ITPRID1: variants seen among roughly 807,000 people sequenced by gnomAD.
ITPRID1 encodes protein ITPRID1.
In ITPRID1, 96 loss-of-function variants were observed where a neutral mutation model predicts 95.4. The observed-to-expected ratio is 1.01, with a 90% confidence interval of 0.85 to 1.19. The LOEUF (loss-of-function observed/expected upper bound fraction) is 1.19. Ranked by LOEUF, ITPRID1 falls within the 50% of genes most tolerant of loss-of-function variation. The pLI, the probability that ITPRID1 is intolerant of heterozygous loss-of-function variation, is 0.00. For synonymous variants in ITPRID1, 510 were observed against 453.6 expected (o/e 1.12, Z -1.58); for missense variants, 1,339 against 1,252.9 (o/e 1.07, Z -1.04).
chr7:31,631,543 C>A (rs38376), intron 10 of ITPRID1, among the ~76,000 whole-genome samples: 42,939 of 151,960 alleles, frequency 0.28, 6,446 homozygotes, highest in Non-Finnish European at 0.33. Flanking sequence ...TTACTTCTAT[C>A]ATACTGAAAA....
chr7:31,656,975 G>A (rs1333637839), downstream of ITPRID1, among the ~76,000 whole-genome samples: 1 of 148,992 alleles, frequency 6.7e-6, no homozygotes, highest in Non-Finnish European at 1.5e-5. Context: ...CCGATTCTCA[G>A]GCCTTTAGGC....
intron 1 of ITPRID1, among the ~76,000 whole-genome samples, chr7:31,521,815 G>A (rs1389001385): frequency 6.7e-6 from 1 of 150,136 alleles, no homozygotes; most frequent in African/African-American, 2.5e-5. Context: ...CCTCAAACTT[G>A]CCGGCTCAAG....
intron 10 of ITPRID1, among the ~76,000 whole-genome samples, chr7:31,628,733 G>T (rs1003779170): frequency 6.6e-6 from 1 of 152,132 alleles, no homozygotes; most frequent in Non-Finnish European, 1.5e-5. Flanking sequence ...TGGGATTACA[G>T]GCTTGAGCCA....
At chr7:31,558,046 G>A (rs1345022706) in intron 5 of ITPRID1, among the ~76,000 whole-genome samples, 1 of 152,092 alleles carries the variant, frequency 6.6e-6, no homozygotes, top group Non-Finnish European at 1.5e-5. Context: ...CCTTATCCTG[G>A]AGTGAGTTAT....
In ITPRID1 at chr7:31,643,865, G is replaced by T; in HGVS notation, c.2495G>T (p.Cys832Phe). ...CCTGAACCCTCAGTCTGTAGGCACT[G>T]CCTGTGTTCACTAACTGGTCACCAG... ...PGPEPSVCRHCLCSLTGHQEA... is the reference protein window; with the variant it reads ...PGPEPSVCRHFLCSLTGHQEA... The change falls in exon 12 of 15, where the codon TGC becomes TTC. Residue 832 changes from cysteine to phenylalanine, a missense_variant. By Grantham distance (205) the Cys-to-Phe change is radical. Transcript: ENST00000615280. The T allele has an allele frequency of 6.2e-7, 1 of 1,613,910 alleles. No individual in the cohort carries two copies. Among genetic ancestry groups the T allele is most frequent in the Non-Finnish European group, 8.5e-7 (1 of 1,179,894 alleles).
intron 5 of ITPRID1, among the ~76,000 whole-genome samples, chr7:31,565,738 AAAAAAAT>A (rs998474103): frequency 6.8e-6 from 1 of 147,688 alleles, no homozygotes; most frequent in South Asian, 2.3e-4. Context: ...ACTCCATCTC[AAAAAAAT>A]AAAAAATAAA....
At chr7:31,565,792 A>G (rs1017036759) in intron 5 of ITPRID1, among the ~76,000 whole-genome samples, 2 of 152,084 alleles carry the variant, frequency 1.3e-5, no homozygotes, top group Non-Finnish European at 1.5e-5. Context: ...TTGTACATCT[A>G]GGAGGGTGAG....
At chr7:31,618,352 G>A (rs1013489299) in intron 10 of ITPRID1, among the ~76,000 whole-genome samples, 1 of 120,558 alleles carries the variant, frequency 8.3e-6, no homozygotes, top group Admixed American at 9.0e-5. Flanking sequence ...TTCTTTGGGA[G>A]GTTCCTCCCC....
chr7:31,614,916 CG>C lies in ITPRID1; in HGVS notation c.1229-27257del, dbSNP rs569831818. ...CCCTAGAGTGTCCTTTGGAGTATGGCGGGAATGAACACCACACCTCACTGAG... is the reference window on the plus strand; with the variant it reads ...CCCTAGAGTGTCCTTTGGAGTATGGCGGAATGAACACCACACCTCACTGAG... On this transcript the variant is annotated intron_variant, in intron 10 of 14. Coordinates refer to ENST00000615280, the MANE Select transcript of ITPRID1 (RefSeq NM_001257967.3). 3.6e-4 allele frequency among the ~76,000 whole-genome samples: 55 copies of C among 152,210 alleles called. No individual in the cohort carries two copies. In the South Asian group the frequency reaches 0.011, roughly 30 times the overall value.
chr7:31,581,678 C>G (rs917453760), intron 9 of ITPRID1, among the ~76,000 whole-genome samples: 4 of 151,876 alleles, frequency 2.6e-5, no homozygotes, highest in African/African-American at 4.8e-5. Context: ...TGGAATAGCC[C>G]AGGAATACAC....
chr7:31,616,876 C>T (rs1019864529), intron 10 of ITPRID1, among the ~76,000 whole-genome samples: 2 of 151,916 alleles, frequency 1.3e-5, no homozygotes, highest in Non-Finnish European at 2.9e-5. Context: ...ACCAGATACC[C>T]AAACCTCTCT....
Position 31,531,959 on chromosome 7 carries a change from C to T in ITPRID1, c.-97-17467C>T, listed in dbSNP as rs539867054. ...TTTTAACTGAAGCTGAAGGTAATAGCGTACAACTGCATTTTAAACAACTTA... is the reference window on the plus strand; with the variant it reads ...TTTTAACTGAAGCTGAAGGTAATAGTGTACAACTGCATTTTAAACAACTTA... On this transcript the variant is annotated intron_variant, in intron 1 of 14. Transcript: ENST00000615280. Among the ~76,000 whole-genome samples, 147 of 152,184 alleles carry T rather than the reference C, an allele frequency of 9.7e-4. 1 individual carries two copies. The highest frequency in any genetic ancestry group is 3.3e-3 in the African/African-American group (135 of 41,516).
At chr7:31,554,235 A>G (rs1784375570) in intron 3 of ITPRID1, among the ~76,000 whole-genome samples, 1 of 151,164 alleles carries the variant, frequency 6.6e-6, no homozygotes, top group Non-Finnish European at 1.5e-5. Context: ...TCTCTCTCAC[A>G]TTTTCTTTCT....
chr7:31,616,172 GAATT>G (rs1292199244), intron 10 of ITPRID1, among the ~76,000 whole-genome samples: 2 of 149,802 alleles, frequency 1.3e-5, no homozygotes, highest in African/African-American at 4.9e-5. Flanking sequence ...CAGTTTTCAA[GAATT>G]ATGATTTGTT....
At chr7:31,614,902 C>CCTTTGGAGTATGGCGGGAATGAACA (rs1356928028) in intron 10 of ITPRID1, among the ~76,000 whole-genome samples, 1 of 152,142 alleles carries the variant, frequency 6.6e-6, no homozygotes, top group Non-Finnish European at 1.5e-5. Flanking sequence ...CCTAGAGTGT[C>CCTTTGGAGTATGGCGGGAATGAACA]CTTTGGAGTA....
chr7:31,527,772 C>A (rs1783468143), intron 1 of ITPRID1, among the ~76,000 whole-genome samples: 1 of 152,140 alleles, frequency 6.6e-6, no homozygotes, highest in South Asian at 2.1e-4. Context: ...AAAACAAAAA[C>A]CCTTAGCAAT....
chr7:31,626,321 C>A (rs1285175298), intron 10 of ITPRID1, among the ~76,000 whole-genome samples: 1 of 152,140 alleles, frequency 6.6e-6, no homozygotes, highest in Admixed American at 6.5e-5. Flanking sequence ...TTGAAGAGTT[C>A]ATTGGTAAAA....
chr7:31,578,145 G>T lies in ITPRID1; in HGVS notation c.881G>T (p.Gly294Val), dbSNP rs371421598. ...FVPFTKPWDC[G>V]AELAATSINH... ...CCCTTTACAAAACCATGGGATTGTGGAGCAGAGCTAGCAGCAACCTCAATC... is the reference window on the plus strand; with the variant it reads ...CCCTTTACAAAACCATGGGATTGTGTAGCAGAGCTAGCAGCAACCTCAATC... Residue 294 changes from glycine (G) to valine (V), a missense_variant, in exon 9 of 15, where the codon GGA becomes GTA. Transcript: ENST00000615280. 1.4e-5 allele frequency: 23 copies of T among 1,613,606 alleles called. No homozygotes were observed. The African/African-American group carries it at 2.7e-4, about 19-fold the overall frequency.
intron 10 of ITPRID1, among the ~76,000 whole-genome samples, chr7:31,625,322 CAT>C (rs1491181853): frequency 6.7e-6 from 1 of 149,620 alleles, no homozygotes; most frequent in Non-Finnish European, 1.5e-5. Flanking sequence ...CACATGCACT[CAT>C]ATGTTTATTG....
Sources: allele counts gnomAD v4.1 joint callset (sites outside exome capture counted in the v4.1 genomes callset), GRCh38; gene constraint gnomAD v4.1.1; transcripts MANE v1.5; gene names NCBI Gene and HGNC (gene_info 2026-07-23, HGNC 2026-07-21).